Variants in UBE2R2 observed in about 807,000 individuals in gnomAD.
UBE2R2 encodes the protein ubiquitin-conjugating enzyme E2 R2.
Under a neutral mutation model 27.8 loss-of-function variants are expected in UBE2R2, and 1 was observed. The ratio of observed to expected loss-of-function variants is 0.04; its 90% CI spans 0.01 to 0.17. UBE2R2 has a LOEUF of 0.17. UBE2R2 is among the 10% of genes least tolerant of loss of function. The probability of loss-of-function intolerance (pLI) is 1.00; values close to 1 mark genes in which losing one functional copy is unlikely to be tolerated. For synonymous variants in UBE2R2, 106 were observed against 113.3 expected, an observed-to-expected ratio of 0.94 and a Z score of 0.41; for missense variants, 100 against 291.0, an observed-to-expected ratio of 0.34 and a Z score of 4.78.
At chr9:33,833,127 C>G (rs1323712805) in intron 1 of UBE2R2, among the ~76,000 whole-genome samples, 3 of 152,158 alleles carry the variant, frequency 2.0e-5, no homozygotes, top group Non-Finnish European at 2.9e-5. Flanking sequence ...TGCAGTGGCA[C>G]GATCTCAGCT....
intron 1 of UBE2R2, among the ~76,000 whole-genome samples, chr9:33,854,824 T>G (rs1200381584): frequency 6.6e-6 from 1 of 151,598 alleles, no homozygotes; most frequent in Non-Finnish European, 1.5e-5. Context: ...GCTCAGGTGA[T>G]CCTCCCGCCT....
At chr9:33,827,896 G>C (rs1425175588) in intron 1 of UBE2R2, among the ~76,000 whole-genome samples, 2 of 151,674 alleles carry the variant, frequency 1.3e-5, no homozygotes, top group African/African-American at 2.4e-5. Context: ...GCTTGAACCC[G>C]GGAGGCGGAG....
Position 33,817,748 on chromosome 9 carries a change from C to T in UBE2R2, c.-10C>T, listed in dbSNP as rs1409754905. ...CCGGGCCCGGCGCCGCCGCCGCCGC[C>T]GCCGCCGCGATGGCCCAGCAGCAGA... On this transcript the variant is annotated 5_prime_UTR_variant, in exon 1 of 5. Transcript: ENST00000263228. 1.3e-6 allele frequency: 2 copies of T among 1,522,416 alleles called. No homozygotes were observed. The highest frequency in any genetic ancestry group is 2.7e-5 in the East Asian group (1 of 36,564). 94.3% of individuals were successfully genotyped at this position (1,522,416 alleles called of 1,614,324 possible). A position where few individuals can be genotyped will look rare whatever the true frequency, so the allele number is the denominator to read the frequency against.
intron 1 of UBE2R2, among the ~76,000 whole-genome samples, chr9:33,882,733 A>T (rs1821756859): frequency 1.3e-5 from 2 of 152,224 alleles, no homozygotes. Flanking sequence ...GGTTTCTAGC[A>T]TATTCACAAA....
intron 1 of UBE2R2, among the ~76,000 whole-genome samples, chr9:33,856,106 C>G (rs1263527617): frequency 6.6e-6 from 1 of 152,152 alleles, no homozygotes; most frequent in East Asian, 1.9e-4. Flanking sequence ...CCTGGTTTTA[C>G]CGTGTACACA....
rs547010956 is a variant in UBE2R2, at chr9:33,818,028, C to T, written c.177+94C>T. 9.9e-6 allele frequency: 14 copies of T among 1,408,764 alleles called. No homozygotes were observed. In the South Asian group the frequency reaches 1.5e-4, roughly 15 times the overall value. The allele number at this position is 1,408,764 out of a possible 1,614,324, so 87.3% of individuals were successfully genotyped here. On this transcript the variant is annotated intron_variant, in intron 1 of 4. Coordinates refer to ENST00000263228, the MANE Select transcript of UBE2R2 (RefSeq NM_017811.4). ...GTTCCTGGGACCAGGAGTATGAGCA[C>T]GGGCGAGTGGAGGGGGCTTCTCACC...
chr9:33,885,288 A>G, intron 1 of UBE2R2, among the ~76,000 whole-genome samples: 1 of 152,184 alleles, frequency 6.6e-6, no homozygotes, highest in East Asian at 1.9e-4. Flanking sequence ...AATTTGTCAG[A>G]GCTTTTCAGA....
At chr9:33,897,106 A>G (rs1822128166) in intron 2 of UBE2R2, among the ~76,000 whole-genome samples, 1 of 120,666 alleles carries the variant, frequency 8.3e-6, no homozygotes, top group Admixed American at 1.2e-4. Flanking sequence ...GCGCGATCTC[A>G]GCTCACTGCA....
At chr9:33,830,833 T>C (rs887406144) in intron 1 of UBE2R2, 3 of 151,964 alleles carry the variant, frequency 2.0e-5, no homozygotes, top group Non-Finnish European at 2.9e-5. Context: ...GGTATTTAAT[T>C]TGAGGGATAA....
intron 2 of UBE2R2, among the ~76,000 whole-genome samples, chr9:33,897,024 ATTTTTTTTTTTTTTTT>A (rs749987839): frequency 1.7e-4 from 7 of 40,634 alleles, no homozygotes; most frequent in East Asian, 9.6e-4. Context: ...CTGTGGCCTA[ATTTTTTTTTTTTTTTT>A]TTTTTTTTTT....
chr9:33,898,162 TG>T (rs1291677711), intron 2 of UBE2R2, among the ~76,000 whole-genome samples: 1 of 151,922 alleles, frequency 6.6e-6, no homozygotes, highest in Non-Finnish European at 1.5e-5. Flanking sequence ...CTCAGCTCAC[TG>T]TAACCTCTGC....
chr9:33,825,847 G>A (rs1209975621), intron 1 of UBE2R2, among the ~76,000 whole-genome samples: 1 of 152,148 alleles, frequency 6.6e-6, no homozygotes, highest in African/African-American at 2.4e-5. Flanking sequence ...AGATATCTGA[G>A]TTGGTTGGAT....
intron 3 of UBE2R2, among the ~76,000 whole-genome samples, chr9:33,902,434 A>G (rs552644672): frequency 1.1e-4 from 17 of 152,362 alleles, no homozygotes; most frequent in Admixed American, 3.3e-4. Flanking sequence ...TAAACCTACT[A>G]GAATGGTGGA....
intron 1 of UBE2R2, among the ~76,000 whole-genome samples, chr9:33,857,799 G>A (rs1821143058): frequency 6.6e-6 from 1 of 152,182 alleles, no homozygotes; most frequent in Non-Finnish European, 1.5e-5. Flanking sequence ...TTGACAGATT[G>A]TTGAACGGCA....
chr9:33,844,724 T>G (rs566783303), intron 1 of UBE2R2, among the ~76,000 whole-genome samples: 1 of 152,220 alleles, frequency 6.6e-6, no homozygotes, highest in Non-Finnish European at 1.5e-5. Context: ...CAGTAACATA[T>G]GTTGAGTCCT....
chr9:33,836,157 T>C (rs763179641), intron 1 of UBE2R2, among the ~76,000 whole-genome samples: 1 of 151,838 alleles, frequency 6.6e-6, no homozygotes, highest in Non-Finnish European at 1.5e-5. Flanking sequence ...TATAGAAAAA[T>C]TAGCTGGGCG....
chr9:33,874,852 G>A (rs765608789), intron 1 of UBE2R2, among the ~76,000 whole-genome samples: 6 of 152,040 alleles, frequency 3.9e-5, no homozygotes, highest in East Asian at 1.9e-4. Context: ...TTTTTGTAGA[G>A]TTGGGGGTCT....
chr9:33,917,116 A>G lies in UBE2R2; in HGVS notation c.596A>G (p.Asn199Ser), dbSNP rs763320246. 4 of 1,614,228 alleles carry G rather than the reference A, an allele frequency of 2.5e-6. No homozygotes were observed. The highest frequency in any genetic ancestry group is 2.2e-5 in the South Asian group (2 of 91,078). Residue 199 changes from asparagine to serine, a missense_variant, in exon 5 of 5, where the codon AAT (asparagine) becomes AGT (serine). Transcript: ENST00000263228. ...EYCIKTKVPS[N>S]DNSSDLLYDD... ...TGCATCAAAACTAAAGTGCCTTCCA[A>G]TGACAACAGCTCAGATTTGCTTTAC...
At chr9:33,881,231 A>G (rs1431905402) in intron 1 of UBE2R2, among the ~76,000 whole-genome samples, 1 of 152,226 alleles carries the variant, frequency 6.6e-6, no homozygotes, top group Non-Finnish European at 1.5e-5. Context: ...TTATTCAGAT[A>G]GCCACTCCAG....
Sources: gnomAD v4.1 joint callset for allele counts (sites outside exome capture counted in the v4.1 genomes callset) on GRCh38, gnomAD v4.1.1 for gene constraint, MANE v1.5 for transcripts, NCBI Gene and HGNC (gene_info 2026-07-23, HGNC 2026-07-21) for gene names.